The following TBC1D5 variants were observed in gnomAD, a reference collection of about 807,000 sequenced individuals.
TBC1D5 encodes the protein TBC1 domain family, member 5.
Under a neutral mutation model 100.3 loss-of-function variants are expected in TBC1D5, and 75 were observed. The observed-to-expected ratio is 0.75, with a 90% CI of 0.62 to 0.91. The LOEUF is 0.91. TBC1D5 is among the 40% of genes least tolerant of loss of function. The pLI, the probability that TBC1D5 is intolerant of heterozygous loss-of-function variation, is 0.00. For missense variants in TBC1D5, 910 were observed against 942.4 expected, an observed-to-expected ratio of 0.97 and a Z score of 0.45; for synonymous variants, 323 against 325.6, an observed-to-expected ratio of 0.99 and a Z score of 0.09.
chr3:17,670,077 G>A (rs2153779996), intron 1 of TBC1D5, among the ~76,000 whole-genome samples: 1 of 152,182 alleles, frequency 6.6e-6, no homozygotes, highest in African/African-American at 2.4e-5. Flanking sequence ...TAGTAGAGAT[G>A]GGTTTTCACT....
At chr3:17,377,533 A>C (rs2092757528) in intron 9 of TBC1D5, among the ~76,000 whole-genome samples, 1 of 152,068 alleles carries the variant, frequency 6.6e-6, no homozygotes, top group Admixed American at 6.6e-5. Context: ...TTGCTTAGTA[A>C]CTAGGGATGC....
In TBC1D5 at chr3:17,327,720, G is replaced by A. The variant is rs574501996; in HGVS notation, c.996-19586C>T. 1.2e-4 allele frequency among the ~76,000 whole-genome samples: 18 copies of A among 151,892 alleles called. No homozygotes were observed. The East Asian group carries it at 2.3e-3, about 20-fold the overall frequency. ...ATTTTTTTCCATGGTACTTATTACC[G>A]CCTAACATTACCTATATTTCATGTT... On this transcript the variant is annotated intron_variant, in intron 13 of 21. Transcript: ENST00000253692.
intron 1 of TBC1D5, among the ~76,000 whole-genome samples, chr3:17,686,949 A>G (rs1025210751): frequency 1.3e-5 from 2 of 152,124 alleles, no homozygotes; most frequent in African/African-American, 4.8e-5. Flanking sequence ...AATTAAAGTA[A>G]CATGTATGGT....
intron 3 of TBC1D5, among the ~76,000 whole-genome samples, chr3:17,495,109 A>C (rs556711290): frequency 6.6e-6 from 1 of 152,250 alleles, no homozygotes; most frequent in South Asian, 2.1e-4. Context: ...AGTCAGTTCC[A>C]ATGAGAGAAC....
At chr3:17,530,302 G>A (rs2096203585) in intron 2 of TBC1D5, among the ~76,000 whole-genome samples, 1 of 149,354 alleles carries the variant, frequency 6.7e-6, no homozygotes, top group Admixed American at 6.7e-5. Context: ...TAATTCAACA[G>A]CAACAAGTAT....
At chr3:17,290,413 C>T (rs996577911) in intron 15 of TBC1D5, among the ~76,000 whole-genome samples, 18 of 152,232 alleles carry the variant, frequency 1.2e-4, no homozygotes, top group African/African-American at 4.3e-4. Context: ...CCATATTTAG[C>T]TAGGGAAAAA....
chr3:17,564,858 T>C (rs980576321), intron 2 of TBC1D5, among the ~76,000 whole-genome samples: 2 of 151,942 alleles, frequency 1.3e-5, no homozygotes, highest in Admixed American at 1.3e-4. Flanking sequence ...CAATGCACAG[T>C]AGTACCATGA....
At chr3:17,442,613 C>T (rs2094690334) in intron 3 of TBC1D5, among the ~76,000 whole-genome samples, 1 of 152,224 alleles carries the variant, frequency 6.6e-6, no homozygotes. Context: ...CACTCCTCAC[C>T]TGTACATGCT....
intron 1 of TBC1D5, among the ~76,000 whole-genome samples, chr3:17,696,611 A>G (rs532787527): frequency 2.6e-5 from 4 of 152,332 alleles, no homozygotes; most frequent in African/African-American, 9.6e-5. Context: ...GCAATAATTA[A>G]CAGCCTACCA....
intron 3 of TBC1D5, among the ~76,000 whole-genome samples, chr3:17,475,952 T>G: frequency 6.6e-6 from 1 of 152,100 alleles, no homozygotes; most frequent in East Asian, 1.9e-4. Flanking sequence ...CTAGAGGTTA[T>G]CATATGTTAT....
chr3:17,528,832 T>C (rs1302970326), intron 2 of TBC1D5, among the ~76,000 whole-genome samples: 1 of 152,196 alleles, frequency 6.6e-6, no homozygotes, highest in Non-Finnish European at 1.5e-5. Context: ...ATACATTAAA[T>C]TTCAAGCAAG....
chr3:17,437,221 C>G (rs1483561197), intron 3 of TBC1D5, among the ~76,000 whole-genome samples: 1 of 152,128 alleles, frequency 6.6e-6, no homozygotes, highest in Non-Finnish European at 1.5e-5. Flanking sequence ...ATTTCCCAGG[C>G]TCCATAACTG....
At chr3:17,328,290 G>T (rs1004527794) in intron 13 of TBC1D5, among the ~76,000 whole-genome samples, 38 of 149,374 alleles carry the variant, frequency 2.5e-4, no homozygotes, top group Admixed American at 4.6e-4. Context: ...AAAAAAAAAA[G>T]TCCTTTAAAA....
At chr3:17,253,171 C>T (rs928868830) in intron 16 of TBC1D5, among the ~76,000 whole-genome samples, 7 of 152,050 alleles carry the variant, frequency 4.6e-5, no homozygotes, top group African/African-American at 1.7e-4. Context: ...TCTATAATGA[C>T]TGTATTTTTT....
At chr3:17,591,323 C>T (rs2096770546) in intron 2 of TBC1D5, among the ~76,000 whole-genome samples, 1 of 133,206 alleles carries the variant, frequency 7.5e-6, no homozygotes, top group African/African-American at 2.7e-5. Flanking sequence ...AGATAGTTTA[C>T]AGATCCAGAA....
intron 1 of TBC1D5, among the ~76,000 whole-genome samples, chr3:17,716,113 G>A (rs80065769): frequency 6.6e-6 from 1 of 152,258 alleles, no homozygotes; most frequent in East Asian, 1.9e-4. Context: ...TTGGCACCAT[G>A]AGGTCCTTAG....
chr3:17,725,677 G>C (rs188101658), intron 1 of TBC1D5, among the ~76,000 whole-genome samples: 1 of 152,270 alleles, frequency 6.6e-6, no homozygotes, highest in East Asian at 1.9e-4. Flanking sequence ...TTCTCTCTCT[G>C]AATTCCTGCC....
At chr3:17,488,594 A>G (rs774555346) in intron 3 of TBC1D5, among the ~76,000 whole-genome samples, 1 of 152,190 alleles carries the variant, frequency 6.6e-6, no homozygotes, top group Non-Finnish European at 1.5e-5. Context: ...CATTCCCACC[A>G]GCAATAAATA....
chr3:17,617,960 G>GT (rs2153639474), intron 2 of TBC1D5, among the ~76,000 whole-genome samples: 1 of 152,334 alleles, frequency 6.6e-6, no homozygotes, highest in East Asian at 1.9e-4. Flanking sequence ...GAGCTGCGAT[G>GT]TTTTGGAGGA....
Sources: gnomAD v4.1 joint callset for allele counts (sites outside exome capture counted in the v4.1 genomes callset) on GRCh38, gnomAD v4.1.1 for gene constraint, MANE v1.5 for transcripts, NCBI Gene and HGNC (gene_info 2026-07-23, HGNC 2026-07-21) for gene names.